ANKS1B: variants seen among roughly 807,000 people sequenced by gnomAD.
ANKS1B encodes the protein ankyrin repeat and sterile alpha motif domain containing 1B.
ANKS1B carries 36 observed loss-of-function variants against 148.3 expected under a neutral mutation model. The observed-to-expected ratio is 0.24, with a 90% CI of 0.19 to 0.32. The LOEUF is 0.32. ANKS1B is among the 10% of genes least tolerant of loss of function. The pLI is 1.00. For synonymous variants in ANKS1B, 542 were observed against 560.8 expected, an observed-to-expected ratio of 0.97 and a Z score of 0.47; for missense variants, 1,157 against 1,542.6, an observed-to-expected ratio of 0.75 and a Z score of 4.19.
chr12:99,745,022 T>A (rs1363652458), intron 8 of ANKS1B, among the ~76,000 whole-genome samples: 45 of 122,892 alleles, frequency 3.7e-4, no homozygotes, highest in Admixed American at 5.0e-4. Flanking sequence ...AAAAAATCAG[T>A]AGTATCTTTA....
At chr12:98,878,187 T>C (rs1362245450) in intron 17 of ANKS1B, among the ~76,000 whole-genome samples, 1 of 150,436 alleles carries the variant, frequency 6.6e-6, no homozygotes, top group Non-Finnish European at 1.5e-5. Flanking sequence ...GAGGACGTAC[T>C]ACTTGTGTAA....
At chr12:99,040,952 C>A (rs2099958562) in intron 17 of ANKS1B, among the ~76,000 whole-genome samples, 1 of 152,154 alleles carries the variant, frequency 6.6e-6, no homozygotes, top group South Asian at 2.1e-4. Context: ...CTCCATGACT[C>A]CATAGCACCT....
At chr12:99,709,129 T>C (rs576590300) in intron 8 of ANKS1B, among the ~76,000 whole-genome samples, 15 of 152,130 alleles carry the variant, frequency 9.9e-5, no homozygotes, top group Non-Finnish European at 1.9e-4. Context: ...ATCTCATGAA[T>C]ACTGCTGTGT....
chr12:99,318,824 C>T (rs989117187), intron 12 of ANKS1B, among the ~76,000 whole-genome samples: 2 of 152,038 alleles, frequency 1.3e-5, no homozygotes, highest in Admixed American at 6.6e-5. Context: ...ATAAATTTCC[C>T]TCTACACATT....
chr12:99,926,962 C>T (rs924116659), intron 1 of ANKS1B, among the ~76,000 whole-genome samples: 1 of 152,206 alleles, frequency 6.6e-6, no homozygotes, highest in Non-Finnish European at 1.5e-5. Context: ...ATCCTGCCTA[C>T]CCTCTGGATT....
chr12:98,874,334 C>T lies in ANKS1B; in HGVS notation c.2779-42198G>A, dbSNP rs185232041. On this transcript the variant is annotated intron_variant, in intron 17 of 26. Transcript: ENST00000683438. Reference sequence around the variant, plus strand: ...AAAAATGGCACGCCAAATTTGATTGCTTTTCTGATGGAATTACAGGATTAC... The same window carrying T: ...AAAAATGGCACGCCAAATTTGATTGTTTTTCTGATGGAATTACAGGATTAC... 5.3e-3 allele frequency among the ~76,000 whole-genome samples: 802 copies of T among 152,192 alleles called. 2 individuals carry two copies. Among genetic ancestry groups the T allele is most frequent in the Non-Finnish European group, 9.3e-3 (633 of 67,990 alleles).
At chr12:99,567,267 G>A (rs1365353299) in intron 9 of ANKS1B, among the ~76,000 whole-genome samples, 1 of 152,092 alleles carries the variant, frequency 6.6e-6, no homozygotes, top group Non-Finnish European at 1.5e-5. Context: ...CCCAGCAGGA[G>A]ACCATCTCTC....
intron 10 of ANKS1B, among the ~76,000 whole-genome samples, chr12:99,454,021 G>A (rs959961622): frequency 6.6e-6 from 1 of 152,180 alleles, no homozygotes; most frequent in Non-Finnish European, 1.5e-5. Context: ...CAAAGAGGGA[G>A]AAGCATTCCA....
intron 25 of ANKS1B, among the ~76,000 whole-genome samples, chr12:98,757,019 G>A (rs535220309): frequency 5.3e-5 from 8 of 150,838 alleles, no homozygotes; most frequent in South Asian, 2.1e-4. Context: ...ATGAGCCACC[G>A]CACCCAGCTG....
Position 99,427,637 on chromosome 12 carries a change from C to T in ANKS1B, c.1575+16036G>A, listed in dbSNP as rs115684761. On this transcript the variant is annotated intron_variant, in intron 11 of 26. Coordinates refer to ENST00000683438, the MANE Select transcript of ANKS1B (RefSeq NM_001352186.2). ...CTTGATCATTGAATATTTACCTCCT[C>T]TTGAATAGAGGCTCCTTGAGGACAG... Among the ~76,000 whole-genome samples the T allele has an allele frequency of 5.4e-3, 825 of 152,296 alleles. 7 individuals carry two copies. Among genetic ancestry groups the T allele is most frequent in the African/African-American group, 0.019 (788 of 41,580 alleles).
At chr12:99,553,262 G>A (rs1403147516) in intron 9 of ANKS1B, among the ~76,000 whole-genome samples, 1 of 152,110 alleles carries the variant, frequency 6.6e-6, no homozygotes, top group African/African-American at 2.4e-5. Flanking sequence ...TTCTTTTAAG[G>A]AAAATTAGGA....
intron 14 of ANKS1B, among the ~76,000 whole-genome samples, chr12:99,214,196 A>G (rs1355294509): frequency 6.6e-6 from 1 of 152,178 alleles, no homozygotes; most frequent in Non-Finnish European, 1.5e-5. Flanking sequence ...AGCTTATGTA[A>G]TAGTTAAATT....
At position 98,993,513 on chromosome 12, in the gene ANKS1B, C is replaced by G. The variant is rs112607897; in HGVS notation, c.2778+59644G>C. On this transcript the variant is annotated intron_variant, in intron 17 of 26. Coordinates refer to ENST00000683438, the MANE Select transcript of ANKS1B (RefSeq NM_001352186.2). ...ATGTTCCTCTCCTTTATGGGCCAAG[C>G]TGATAGCATTTGCTTTACCCTCTCC... 3.2e-3 allele frequency among the ~76,000 whole-genome samples: 491 copies of G among 152,278 alleles called. 3 individuals carry two copies. The highest frequency in any genetic ancestry group is 6.0e-3 in the Non-Finnish European group (410 of 68,020).
chr12:99,514,457 T>G (rs896252792), intron 9 of ANKS1B, among the ~76,000 whole-genome samples: 1 of 152,090 alleles, frequency 6.6e-6, no homozygotes, highest in Non-Finnish European at 1.5e-5. Context: ...CTTATATTTA[T>G]GCAGTGTTTT....
At chr12:99,852,107 T>C (rs1275274645) in intron 1 of ANKS1B, among the ~76,000 whole-genome samples, 1 of 152,206 alleles carries the variant, frequency 6.6e-6, no homozygotes, top group Non-Finnish European at 1.5e-5. Flanking sequence ...AAGTAATTAA[T>C]TAATGGTCAA....
chr12:99,279,577 G>T lies in ANKS1B; in HGVS notation c.1757-32713C>A, dbSNP rs192013123. On this transcript the variant is annotated intron_variant, in intron 12 of 26. Coordinates refer to ENST00000683438, the MANE Select transcript of ANKS1B (RefSeq NM_001352186.2). ...AAGCATGCAATCTGTGGGGTGGGGT[G>T]GGGGGAGGTTGTAGAAGCTTTATCT... Among the ~76,000 whole-genome samples, 12 of 152,256 alleles carry T rather than the reference G, an allele frequency of 7.9e-5. No homozygotes were observed. The East Asian group carries it at 2.1e-3, about 27-fold the overall frequency.
chr12:99,239,021 T>C (rs1020536541), intron 14 of ANKS1B, among the ~76,000 whole-genome samples: 2 of 152,130 alleles, frequency 1.3e-5, no homozygotes, highest in African/African-American at 2.4e-5. Context: ...CTCCAAAGGA[T>C]TGCAGCTCCT....
rs2098101371 is a variant in ANKS1B, at chr12:98,751,849, T to A, written c.3580-327A>T. Among the ~76,000 whole-genome samples the A allele has an allele frequency of 6.6e-6, 1 of 152,192 alleles. No individual in the cohort carries two copies. The highest frequency in any genetic ancestry group is 2.1e-4 in the South Asian group (1 of 4,826). ...TAGCTACAAAGATAAAAAAGCTACA[T>A]ACCTCCCTCACAATTTGCCCAAAAG... On this transcript the variant is annotated intron_variant, in intron 25 of 26. Coordinates refer to ENST00000683438, the MANE Select transcript of ANKS1B (RefSeq NM_001352186.2). This position sits in a 1 kb window ranked among gnomAD's most constrained non-coding sequence, Gnocchi z 4.3.
At chr12:99,790,562 C>T (rs963296602) in intron 4 of ANKS1B, among the ~76,000 whole-genome samples, 4 of 151,928 alleles carry the variant, frequency 2.6e-5, no homozygotes, top group Admixed American at 1.3e-4. Context: ...TTTCAAGACA[C>T]AGAGAATGAA....
Sources: gnomAD v4.1 joint callset for allele counts (sites outside exome capture counted in the v4.1 genomes callset) on GRCh38, gnomAD v4.1.1 for gene constraint, Gnocchi (gnomAD v3.1) non-coding constraint, MANE v1.5 for transcripts, NCBI Gene and HGNC (gene_info 2026-07-23, HGNC 2026-07-21) for gene names.